The following ZSCAN25 variants were observed in gnomAD, a reference collection of about 807,000 sequenced individuals.
ZSCAN25 encodes zinc finger and SCAN domain containing 25, also known as zinc finger and SCAN domain-containing protein 25.
A neutral mutation model predicts 38.7 loss-of-function variants in ZSCAN25; 27 were observed. The observed-to-expected ratio is 0.70, with a 90% CI of 0.51 to 0.96. The LOEUF (loss-of-function observed/expected upper bound fraction) is 0.96, where lower values mean the gene tolerates loss of function less well. Ranked by LOEUF, ZSCAN25 falls within the 40% of genes least tolerant of loss-of-function variation. ZSCAN25 has a pLI of 0.00. For synonymous variants in ZSCAN25, 273 were observed against 277.7 expected, an observed-to-expected ratio of 0.98 and a Z score of 0.17; for missense variants, 637 against 705.9, an observed-to-expected ratio of 0.90 and a Z score of 1.11.
chr7:99,681,845 C>T, the ZSCAN25 span, among the ~76,000 whole-genome samples: 1 of 152,148 alleles, frequency 6.6e-6, no homozygotes, highest in East Asian at 1.9e-4. Flanking sequence ...GCTTTGGTTG[C>T]CTGTGCTTGT....
chr7:99,708,017 T>C, the ZSCAN25 span: 8 of 1,613,074 alleles, frequency 5.0e-6, no homozygotes, highest in Non-Finnish European at 5.9e-6. Flanking sequence ...AAAGACATAA[T>C]ACCTCTAAGA....
At chr7:99,698,975 T>C in the ZSCAN25 span, among the ~76,000 whole-genome samples, 10 of 152,198 alleles carry the variant, frequency 6.6e-5, no homozygotes, top group Admixed American at 3.3e-4. Context: ...AAAAGTCAAA[T>C]TGAGGTAGAA....
chr7:99,676,150 G>A, the ZSCAN25 span: 8 of 1,613,762 alleles, frequency 5.0e-6, no homozygotes, highest in African/African-American at 1.1e-4. Context: ...AACAAAGGCA[G>A]AGGTGTGGGC....
rs2151304233 is a variant in ZSCAN25 at position 99,631,541 on chromosome 7, C to T, written c.*1521C>T. ...CCCTGGCTGAGTGAGTGAGTTTGTC[C>T]TTTGTTGATAGTGTCCTATAATTGC... On this transcript the variant is annotated 3_prime_UTR_variant, in exon 8 of 8. Coordinates refer to ENST00000394152, the MANE Select transcript of ZSCAN25 (RefSeq NM_145115.3). The T allele has an allele frequency of 3.0e-6, 3 of 985,436 alleles. No individual in the cohort carries two copies. The highest frequency in any genetic ancestry group is 3.6e-6 in the Non-Finnish European group (3 of 829,944). The allele number at this position is 985,436 out of a possible 1,614,324, so 61.0% of individuals were successfully genotyped here. A position where few individuals can be genotyped will look rare whatever the true frequency, so the allele number is the denominator to read the frequency against.
the ZSCAN25 span, among the ~76,000 whole-genome samples, chr7:99,700,879 C>G: frequency 1.3e-5 from 2 of 152,202 alleles, no homozygotes; most frequent in Non-Finnish European, 2.9e-5. Context: ...GCAGCCAGCA[C>G]TGTTTCCCAA....
the ZSCAN25 span, among the ~76,000 whole-genome samples, chr7:99,656,635 G>T: frequency 1.3e-5 from 2 of 152,146 alleles, no homozygotes; most frequent in African/African-American, 2.4e-5. Context: ...TCTATTGATT[G>T]GAATAGTTTC....
the ZSCAN25 span, among the ~76,000 whole-genome samples, chr7:99,718,943 A>C: frequency 3.3e-5 from 5 of 152,240 alleles, no homozygotes; most frequent in African/African-American, 1.2e-4. Flanking sequence ...TGTAAATCCA[A>C]CAAAACATGC....
chr7:99,728,174 A>G, the ZSCAN25 span, among the ~76,000 whole-genome samples: 1 of 152,194 alleles, frequency 6.6e-6, no homozygotes, highest in Admixed American at 6.5e-5. Context: ...CAAGAAAAAT[A>G]TCTCCTTCCA....
the ZSCAN25 span, among the ~76,000 whole-genome samples, chr7:99,689,699 A>G: frequency 1.3e-5 from 2 of 152,348 alleles, no homozygotes; most frequent in East Asian, 1.9e-4. Context: ...CCCATTCACA[A>G]TTGCTTCAAA....
chr7:99,640,158 C>A, the ZSCAN25 span, among the ~76,000 whole-genome samples: 2 of 152,308 alleles, frequency 1.3e-5, no homozygotes, highest in African/African-American at 4.8e-5. Context: ...AAATCTATTT[C>A]TCCTTTATTG....
At chr7:99,648,468 G>A in the ZSCAN25 span, 1 of 880,554 alleles carries the variant, frequency 1.1e-6, no homozygotes, top group Non-Finnish European at 1.7e-6. Context: ...TGGAAGCAAA[G>A]TAGAAAAAAT....
At chr7:99,723,645 A>G in the ZSCAN25 span, among the ~76,000 whole-genome samples, 8 of 152,054 alleles carry the variant, frequency 5.3e-5, no homozygotes, top group Admixed American at 4.6e-4. Flanking sequence ...CCCTCACTCC[A>G]TGGGGAGATC....
chr7:99,641,733 C>T, the ZSCAN25 span, among the ~76,000 whole-genome samples: 3 of 152,154 alleles, frequency 2.0e-5, no homozygotes, highest in African/African-American at 7.2e-5. Flanking sequence ...CTCTTATACC[C>T]TACATCTAAG....
the ZSCAN25 span, chr7:99,679,905 T>G: frequency 7.3e-5 from 117 of 1,607,064 alleles, 1 homozygote; most frequent in South Asian, 8.6e-4. Flanking sequence ...ATCGCCACTT[T>G]CCTTCTTCAA....
chr7:99,618,818 G>A (rs1275907006), intron 2 of ZSCAN25, among the ~76,000 whole-genome samples, 167 bp downstream of exon 2: 1 of 152,110 alleles, frequency 6.6e-6, no homozygotes, highest in Non-Finnish European at 1.5e-5. Context: ...GTCTGCCTCT[G>A]CCACCTCTTC....
the ZSCAN25 span, among the ~76,000 whole-genome samples, chr7:99,682,394 C>T: frequency 6.6e-6 from 1 of 152,234 alleles, no homozygotes; most frequent in Admixed American, 6.5e-5. Context: ...TCTTTTCCCC[C>T]AGTGTATGTT....
the ZSCAN25 span, chr7:99,667,012 TTCA>T: frequency 6.2e-7 from 1 of 1,614,170 alleles, no homozygotes; most frequent in Non-Finnish European, 8.5e-7. Flanking sequence ...TCTTCCATTC[TTCA>T]TCCTCAGCTA....
chr7:99,690,402 T>C, the ZSCAN25 span, among the ~76,000 whole-genome samples: 1 of 152,140 alleles, frequency 6.6e-6, no homozygotes. Context: ...ACTTCATGTC[T>C]AAAACACCAA....
Position 99,631,773 on chromosome 7 carries a change from T to C in ZSCAN25, c.*1753T>C. ...GCTTAGCAAATGACGCTCCTTGGTC[T>C]TCCTGGCTCATTAGCTGTGCCCACG... On this transcript the variant is annotated 3_prime_UTR_variant, in exon 8 of 8. Transcript: ENST00000394152. 2 of 985,488 alleles carry C rather than the reference T, an allele frequency of 2.0e-6. No individual in the cohort carries two copies. Among genetic ancestry groups the C allele is most frequent in the Non-Finnish European group, 2.4e-6 (2 of 829,956 alleles). The allele number at this position is 985,488 out of a possible 1,614,324, so 61.0% of individuals were successfully genotyped here. A position where few individuals can be genotyped will look rare whatever the true frequency, so the allele number is the denominator to read the frequency against.
Sources: gnomAD v4.1 joint callset for allele counts (sites outside exome capture counted in the v4.1 genomes callset) on GRCh38, gnomAD v4.1.1 for gene constraint, MANE v1.5 for transcripts, NCBI Gene and HGNC (gene_info 2026-07-23, HGNC 2026-07-21) for gene names.